The following COX15 variants were observed in gnomAD, a reference collection of about 807,000 sequenced individuals.
COX15 encodes heme A synthase COX15.
A neutral mutation model predicts 51.9 loss-of-function variants in COX15; 51 were observed. The ratio of observed to expected loss-of-function variants is 0.98; its 90% confidence interval spans 0.78 to 1.24. The LOEUF (loss-of-function observed/expected upper bound fraction) is 1.24. Ranked by LOEUF, COX15 falls within the 50% of genes most tolerant of loss-of-function variation. The probability of loss-of-function intolerance (pLI) is 0.00; values close to 1 mark genes in which losing one functional copy is unlikely to be tolerated. For missense variants in COX15, 420 were observed against 501.1 expected (o/e 0.84, Z 1.55); for synonymous variants, 188 against 190.5 (o/e 0.99, Z 0.11).
downstream of COX15, among the ~76,000 whole-genome samples, chr10:99,706,965 GA>G (rs1362301314): frequency 1.3e-5 from 2 of 152,154 alleles, no homozygotes; most frequent in African/African-American, 4.8e-5. Flanking sequence ...GGTCCAGTTT[GA>G]AAGCTCTTAT....
At chr10:99,698,827 A>G in the COX15 span, 1 of 1,607,478 alleles carries the variant, frequency 6.2e-7, no homozygotes, top group Non-Finnish European at 8.5e-7. Flanking sequence ...GGTGGCCGCT[A>G]CCATGGGCCA....
At chr10:99,698,302 CAT>C in the COX15 span, among the ~76,000 whole-genome samples, 2 of 152,206 alleles carry the variant, frequency 1.3e-5, no homozygotes, top group South Asian at 2.1e-4. Flanking sequence ...AGGAAATACA[CAT>C]GTTGACTAAA....
rs796678570 is a variant in COX15, at chr10:99,714,270, G to C, written c.*317C>G. ...GAACATCCACGTAGAAATCATCCAC[G>C]TAGAACCAAGAGCTTGCCAACACTG... On this transcript the variant is annotated 3_prime_UTR_variant, in exon 9 of 9. Coordinates refer to ENST00000016171, the MANE Select transcript of COX15 (RefSeq NM_078470.6). 8.4e-7 allele frequency: 1 copy of C among 1,189,154 alleles called. No individual in the cohort carries two copies. The highest frequency in any genetic ancestry group is 3.7e-5 in the Admixed American group (1 of 27,002). 73.7% of individuals were successfully genotyped at this position (1,189,154 alleles called of 1,614,324 possible).
chr10:99,704,982 T>C, the COX15 span: 1 of 352,534 alleles, frequency 2.8e-6, no homozygotes, highest in Non-Finnish European at 5.3e-6. Flanking sequence ...GTTCCTAGAA[T>C]CTCACCTTTT....
chr10:99,696,785 C>G, the COX15 span, among the ~76,000 whole-genome samples: 21 of 152,254 alleles, frequency 1.4e-4, no homozygotes, highest in Admixed American at 1.3e-3. Flanking sequence ...TAAGAGAAAG[C>G]AGAGTTCTTT....
downstream of COX15, among the ~76,000 whole-genome samples, chr10:99,708,450 TC>T (rs2036294261): frequency 6.6e-6 from 1 of 152,226 alleles, no homozygotes; most frequent in Admixed American, 6.5e-5. Flanking sequence ...GGATTCTAGT[TC>T]TGGCTTTGTC....
intron 8 of COX15, among the ~76,000 whole-genome samples, chr10:99,715,350 G>C (rs1231460671): frequency 6.6e-6 from 1 of 151,996 alleles, no homozygotes; most frequent in East Asian, 1.9e-4. Flanking sequence ...TGTTGGCCAG[G>C]CTGGTCTTGA....
In COX15 at chr10:99,712,976, C is replaced by T. The variant is rs1012149988; in HGVS notation, c.*1611G>A. ...AGTTAAATATCCCTAGTTCCTTCAC[C>T]TATTCCCTGTGTGACAGGGGTTCTG... On this transcript the variant is annotated 3_prime_UTR_variant, in exon 9 of 9. Coordinates refer to ENST00000016171, the MANE Select transcript of COX15 (RefSeq NM_078470.6). The T allele has an allele frequency of 4.0e-6, 4 of 1,008,348 alleles. No homozygotes were observed. The highest frequency in any genetic ancestry group is 4.8e-6 in the Non-Finnish European group (4 of 833,936). 62.5% of individuals were successfully genotyped at this position (1,008,348 alleles called of 1,614,324 possible). A position where few individuals can be genotyped will look rare whatever the true frequency, so the allele number is the denominator to read the frequency against.
At chr10:99,700,410 G>GTA in the COX15 span, among the ~76,000 whole-genome samples, 1 of 8,460 alleles carries the variant, frequency 1.2e-4, no homozygotes, top group Admixed American at 1.8e-3. Flanking sequence ...GTGTGTGTGT[G>GTA]TGTATGTGTG....
At chr10:99,694,668 C>A in the COX15 span, among the ~76,000 whole-genome samples, 2 of 151,924 alleles carry the variant, frequency 1.3e-5, no homozygotes, top group East Asian at 3.9e-4. Flanking sequence ...TCCTGAGTAG[C>A]TGGGATTACA....
At chr10:99,731,936 T>G (rs924707867) in intron 1 of COX15, 24 bp downstream of exon 1, 2 of 1,597,556 alleles carry the variant, frequency 1.3e-6, no homozygotes, top group African/African-American at 2.7e-5. Flanking sequence ...CTCCCGCGAC[T>G]CGGAGTCCGC....
At position 99,727,663 on chromosome 10, in the gene COX15, TA is replaced by T. The variant is rs2037004452; in HGVS notation, c.273-101del. ...GATCTGAACTTAACCTTGTTAAAGG[TA>T]AACACATTGTTTCCTTGTTTCCTCT... On this transcript the variant is annotated intron_variant, in intron 2 of 8. Transcript: ENST00000016171. The T allele has an allele frequency of 1.7e-5, 23 of 1,365,168 alleles. No individual in the cohort carries two copies. In the Admixed American group the frequency reaches 1.9e-4, roughly 11 times the overall value. 84.6% of individuals were successfully genotyped at this position (1,365,168 alleles called of 1,614,324 possible). A position where few individuals can be genotyped will look rare whatever the true frequency, so the allele number is the denominator to read the frequency against.
the COX15 span, chr10:99,705,614 T>C: frequency 6.6e-6 from 1 of 152,186 alleles, no homozygotes; most frequent in Non-Finnish European, 1.5e-5. Context: ...GTATGGGGAA[T>C]GTATTTGGGT....
At chr10:99,702,922 G>C in the COX15 span, among the ~76,000 whole-genome samples, 1 of 152,134 alleles carries the variant, frequency 6.6e-6, no homozygotes, top group African/African-American at 2.4e-5. Context: ...CAGAAATCCA[G>C]CTTTATTTGT....
rs1295319182 is a variant in COX15 at position 99,714,529 on chromosome 10, T to G, written c.*58A>C. ...TCTCGTAGAAAAGCCCAAGTTCTTATGATCTCTGAAGAGCTCTCAAAAGCA... is the reference window on the plus strand; with the variant it reads ...TCTCGTAGAAAAGCCCAAGTTCTTAGGATCTCTGAAGAGCTCTCAAAAGCA... On this transcript the variant is annotated 3_prime_UTR_variant, in exon 9 of 9. Transcript: ENST00000016171. 1.9e-6 allele frequency: 3 copies of G among 1,612,898 alleles called. No individual in the cohort carries two copies. The highest frequency in any genetic ancestry group is 2.5e-6 in the Non-Finnish European group (3 of 1,179,652).
Position 99,721,051 on chromosome 10 carries a change from T to C in COX15, c.768A>G (p.Gln256=), listed in dbSNP as rs1220271236. Residue 256 remains glutamine, a synonymous_variant, in exon 6 of 9, where the codon CAA becomes CAG. Transcript: ENST00000016171. ...GAGCAAATCGTCTCAACTGTAGGAGTTGGTGGGTTTCAGGCAACTAAATAT... is the reference window on the plus strand; with the variant it reads ...GAGCAAATCGTCTCAACTGTAGGAGCTGGTGGGTTTCAGGCAACTAAATAT... ...LPPHKLPETH[Q]LLQLRRFAHG... The C allele has an allele frequency of 2.6e-5, 42 of 1,613,116 alleles. No homozygotes were observed. The highest frequency in any genetic ancestry group is 3.4e-5 in the Non-Finnish European group (40 of 1,179,716).
chr10:99,727,328 C>T, intron 3 of COX15, 113 bp downstream of exon 3: 5 of 1,531,768 alleles, frequency 3.3e-6, no homozygotes, highest in Non-Finnish European at 4.5e-6. Flanking sequence ...GACAAGCTGA[C>T]TAAACATAAC....
At chr10:99,729,762 C>G (rs779944945) in intron 1 of COX15, 28 bp from the exon 2 acceptor site, 2 of 1,612,636 alleles carry the variant, frequency 1.2e-6, no homozygotes, top group Non-Finnish European at 8.5e-7. Context: ...CAAATTACAA[C>G]TGGAGAAACA....
At chr10:99,725,793 C>T (rs2036930625) in intron 4 of COX15, among the ~76,000 whole-genome samples, 1 of 152,192 alleles carries the variant, frequency 6.6e-6, no homozygotes, top group Admixed American at 6.5e-5. Context: ...CTCCTGATCC[C>T]CCACCTTGGC....
Sources: allele counts gnomAD v4.1 joint callset (sites outside exome capture counted in the v4.1 genomes callset), GRCh38; gene constraint gnomAD v4.1.1; transcripts MANE v1.5; gene names NCBI Gene and HGNC (gene_info 2026-07-23, HGNC 2026-07-21).